Variants in MED9 observed in about 807,000 individuals in gnomAD.
The protein encoded by MED9 is mediator of RNA polymerase II transcription subunit 9.
Under a neutral mutation model 13.2 loss-of-function variants are expected in MED9, and 8 were observed. The ratio of observed to expected loss-of-function variants is 0.61; its 90% CI spans 0.36 to 1.10. The LOEUF is 1.10. Ranked by LOEUF, MED9 falls within the 50% of genes least tolerant of loss-of-function variation. The pLI is 0.02. For synonymous variants in MED9, 87 were observed against 82.8 expected, an observed-to-expected ratio of 1.05 and a Z score of -0.28; for missense variants, 180 against 193.4, an observed-to-expected ratio of 0.93 and a Z score of 0.41.
chr17:17,477,146 G>T lies in MED9; in HGVS notation c.105G>T (p.Pro35=). Residue 35 remains proline, a synonymous_variant, in exon 1 of 2, where the codon CCG becomes CCT. Coordinates refer to ENST00000268711, the MANE Select transcript of MED9 (RefSeq NM_018019.3). ...CCAAGCCGCTGCCGCCTCCTCAGCC[G>T]CCGCCGGTCCCTGCGCCTCAACCGC... The part of the protein sequence containing the change: ...PDTKPLPPPQ[P]PPVPAPQPQQ... 2 of 1,607,740 alleles carry T rather than the reference G, an allele frequency of 1.2e-6. No homozygotes were observed. The highest frequency in any genetic ancestry group is 1.7e-6 in the Non-Finnish European group (2 of 1,177,702).
chr17:17,480,845 G>C lies in MED9; in HGVS notation c.224+3580G>C, dbSNP rs375512220. The stretch of plus-strand genomic sequence containing the variant: ...GTATAGGCGTGTCTTTGAGTTTATA[G>C]GCAAATGAGGGAGGAATAAGGGCAG... On this transcript the variant is annotated intron_variant, in intron 1 of 1. Coordinates refer to ENST00000268711, the MANE Select transcript of MED9 (RefSeq NM_018019.3). Among the ~76,000 whole-genome samples the C allele has an allele frequency of 8.8e-4, 134 of 152,242 alleles. 4 individuals are homozygous for C. In the South Asian group the frequency reaches 0.026, roughly 29 times the overall value.
rs35352680 is a variant in MED9 at position 17,491,319 on chromosome 17, G to T, written c.265G>T (p.Ala89Ser). ...DSPEVHQDLN[A>S]LKSKFQEMRK... The stretch of plus-strand genomic sequence containing the variant: ...CCCGGAGGTCCACCAGGACCTGAAC[G>T]CCCTCAAAAGCAAGTTCCAGGAGAT... Residue 89 changes from alanine to serine, a missense_variant, in exon 2 of 2, where the codon GCC (alanine) becomes TCC (serine). Ala to Ser is a moderately conservative substitution (Grantham distance 99, BLOSUM62 1). Coordinates refer to ENST00000268711, the MANE Select transcript of MED9 (RefSeq NM_018019.3). 1 of 1,613,772 alleles carries T rather than the reference G, an allele frequency of 6.2e-7. No homozygotes were observed. Among genetic ancestry groups the T allele is most frequent in the Non-Finnish European group, 8.5e-7 (1 of 1,180,022 alleles).
chr17:17,488,751 T>G (rs1228477444), intron 1 of MED9, among the ~76,000 whole-genome samples: 1 of 152,012 alleles, frequency 6.6e-6, no homozygotes, highest in Non-Finnish European at 1.5e-5. Context: ...GAGAATCACT[T>G]GAACCCGGGA....
chr17:17,482,341 A>G lies in MED9; in HGVS notation c.224+5076A>G, dbSNP rs369267914. ...TTTGTGTCTTTCCCCATCACCTGCC[A>G]TCACCATTAAACTTTTAACTTTGGC... is the stretch of plus-strand genomic sequence containing the variant. On this transcript the variant is annotated intron_variant, in intron 1 of 1. Transcript: ENST00000268711. Among the ~76,000 whole-genome samples the G allele has an allele frequency of 2.0e-5, 3 of 152,324 alleles. No homozygotes were observed. In the East Asian group the frequency reaches 5.8e-4, roughly 29 times the overall value.
At chr17:17,485,402 A>G (rs899681924) in intron 1 of MED9, 4 of 398,194 alleles carry the variant, frequency 1.0e-5, no homozygotes, top group Non-Finnish European at 1.3e-5. Context: ...TTTAAGCAGC[A>G]TAGTGACCTG....
At chr17:17,479,459 A>G (rs1239849174) in intron 1 of MED9, among the ~76,000 whole-genome samples, 1 of 151,976 alleles carries the variant, frequency 6.6e-6, no homozygotes, top group East Asian at 1.9e-4. Flanking sequence ...CCTGTGAAAC[A>G]TAGTGGGTTG....
intron 1 of MED9, among the ~76,000 whole-genome samples, chr17:17,481,847 G>A (rs1442288287): frequency 1.3e-5 from 2 of 152,198 alleles, no homozygotes; most frequent in Non-Finnish European, 2.9e-5. Flanking sequence ...ATTTTTTATA[G>A]TGATAGTTAT....
chr17:17,482,718 C>CT (rs796602200), intron 1 of MED9, among the ~76,000 whole-genome samples: 5 of 152,310 alleles, frequency 3.3e-5, no homozygotes, highest in African/African-American at 1.2e-4. Context: ...GTATTGATCT[C>CT]TTTTTTCTAG....
chr17:17,484,672 G>C (rs1460480923), intron 1 of MED9, among the ~76,000 whole-genome samples: 1 of 152,164 alleles, frequency 6.6e-6, no homozygotes, highest in South Asian at 2.1e-4. Context: ...ACAGATAGGG[G>C]GTGTTCATAG....
Position 17,477,192 on chromosome 17 carries a change from C to T in MED9, c.151C>T (p.Pro51Ser), listed in dbSNP as rs2046348701. The T allele has an allele frequency of 2.5e-6, 4 of 1,610,532 alleles. No homozygotes were observed. The African/African-American group carries it at 4.0e-5, about 16-fold the overall frequency. ...PQPQQSPAPR[P>S]QSPARAREEE... is the part of the protein sequence containing the mutation. ...ACCGCAGCAGTCGCCGGCGCCACGGCCTCAGTCACCTGCCCGCGCGAGGGA... is the reference window on the plus strand; with the variant it reads ...ACCGCAGCAGTCGCCGGCGCCACGGTCTCAGTCACCTGCCCGCGCGAGGGA... Residue 51 changes from proline to serine, a missense_variant, in exon 1 of 2, where the codon CCT (proline) becomes TCT (serine). Pro to Ser is a moderately conservative substitution (Grantham distance 74, BLOSUM62 -1). Transcript: ENST00000268711.
chr17:17,489,112 T>A (rs574848772), intron 1 of MED9, among the ~76,000 whole-genome samples: 5 of 152,344 alleles, frequency 3.3e-5, no homozygotes, highest in African/African-American at 1.2e-4. Flanking sequence ...CATGTTCTCT[T>A]CACTCCAGGA....
At chr17:17,479,029 T>C (rs1316271808) in intron 1 of MED9, among the ~76,000 whole-genome samples, 1 of 152,022 alleles carries the variant, frequency 6.6e-6, no homozygotes, top group Admixed American at 6.6e-5. Context: ...TTAAGAAAAA[T>C]GTGGAAAAAT....
chr17:17,478,085 T>C (rs1048256524), intron 1 of MED9, among the ~76,000 whole-genome samples: 3 of 152,146 alleles, frequency 2.0e-5, no homozygotes, highest in Non-Finnish European at 4.4e-5. Context: ...AGCCTCAACC[T>C]CCTGGCCTCA....
chr17:17,477,241 C>T lies in MED9; in HGVS notation c.200C>T (p.Pro67Leu), dbSNP rs762067850. 1.2e-5 allele frequency: 19 copies of T among 1,604,578 alleles called. No homozygotes were observed. Among genetic ancestry groups the T allele is most frequent in the Non-Finnish European group, 8.5e-7 (1 of 1,174,466 alleles). Reference protein sequence around the residue: ...AREEENYSFLPLVHNIIKCMD... With the variant: ...AREEENYSFLLLVHNIIKCMD... ...GAGGAAGAGAACTACTCCTTTTTAC[C>T]TTTGGTTCACAACATCATCAAATGG... Residue 67 changes from proline to leucine, a missense_variant, in exon 1 of 2, where the codon CCT becomes CTT. Pro to Leu is a moderately conservative substitution (Grantham distance 98). Coordinates refer to ENST00000268711, the MANE Select transcript of MED9 (RefSeq NM_018019.3).
At chr17:17,490,049 ATGGCTTACTTT>A (rs771358580) in intron 1 of MED9, among the ~76,000 whole-genome samples, 6 of 152,250 alleles carry the variant, frequency 3.9e-5, no homozygotes, top group Non-Finnish European at 7.3e-5. Context: ...TTATGCCTCA[ATGGCTTACTTT>A]CAGAACAGCT....
chr17:17,478,034 C>T (rs1904958333), intron 1 of MED9, among the ~76,000 whole-genome samples: 1 of 152,214 alleles, frequency 6.6e-6, no homozygotes, highest in South Asian at 2.1e-4. Flanking sequence ...CTCGCTCTGT[C>T]ACCCAGACTG....
chr17:17,478,128 C>T (rs1459649729), intron 1 of MED9, among the ~76,000 whole-genome samples: 5 of 152,148 alleles, frequency 3.3e-5, no homozygotes, highest in African/African-American at 9.7e-5. Flanking sequence ...CCCAAGTAAC[C>T]GGAACCACAG....
Position 17,477,034 on chromosome 17 carries a change from C to T in MED9, c.-8C>T, listed in dbSNP as rs1468365739. 5.6e-6 allele frequency: 9 copies of T among 1,605,076 alleles called. No individual in the cohort carries two copies. Among genetic ancestry groups the T allele is most frequent in the African/African-American group, 1.3e-5 (1 of 74,942 alleles). On this transcript the variant is annotated 5_prime_UTR_variant, in exon 1 of 2. Transcript: ENST00000268711. ...GACCCGACCTCTGGCTAACCTACCC[C>T]CGGAGCCATGGCCTCTGCTGGGGTG... is the stretch of plus-strand genomic sequence containing the variant.
At chr17:17,480,733 G>C (rs942324026) in intron 1 of MED9, among the ~76,000 whole-genome samples, 2 of 152,202 alleles carry the variant, frequency 1.3e-5, no homozygotes, top group Non-Finnish European at 2.9e-5. Flanking sequence ...AAAAAGCCAC[G>C]TGGAGGAAAC....
Sources: allele counts gnomAD v4.1 joint callset (sites outside exome capture counted in the v4.1 genomes callset), GRCh38; gene constraint gnomAD v4.1.1; transcripts MANE v1.5; gene names NCBI Gene and HGNC (gene_info 2026-07-23, HGNC 2026-07-21).